Variants in ATXN7 observed in about 807,000 individuals in gnomAD.
ATXN7 encodes the protein ataxin 7.
ATXN7 carries 12 observed loss-of-function variants against 70.5 expected under a neutral mutation model. The ratio of observed to expected loss-of-function variants is 0.17; its 90% CI spans 0.11 to 0.28. ATXN7 has a LOEUF of 0.28. ATXN7 is among the 10% of genes least tolerant of loss of function. The pLI, the probability that ATXN7 is intolerant of heterozygous loss-of-function variation, is 1.00. For missense variants in ATXN7, 1,256 were observed against 1,131.7 expected (o/e 1.11, Z -1.58); for synonymous variants, 498 against 448.7 (o/e 1.11, Z -1.39).
chr3:63,960,425 G>A (rs1431780100), intron 5 of ATXN7, among the ~76,000 whole-genome samples: 6 of 152,192 alleles, frequency 3.9e-5, no homozygotes, highest in Non-Finnish European at 7.3e-5. Flanking sequence ...TTATGATCAC[G>A]TGGTTGCTGT....
At position 63,999,842 on chromosome 3, in the gene ATXN7, G is replaced by A. The variant is rs1440390192; in HGVS notation, c.*375G>A. 6 of 385,506 alleles carry A rather than the reference G, an allele frequency of 1.6e-5. No individual in the cohort carries two copies. The highest frequency in any genetic ancestry group is 3.2e-5 in the South Asian group (1 of 31,426). The allele number at this position is 385,506 out of a possible 1,614,324, so 23.9% of individuals were successfully genotyped here. On this transcript the variant is annotated 3_prime_UTR_variant, in exon 13 of 13. Coordinates refer to ENST00000674280, the MANE Select transcript of ATXN7 (RefSeq NM_001377405.1). ...GGCAAAAGAATGTTTTGGCAAGAGC[G>A]TTACTGTAGACCTTTCTCCCTCCTT...
chr3:63,955,788 T>C (rs1438442435), intron 5 of ATXN7, among the ~76,000 whole-genome samples: 1 of 152,206 alleles, frequency 6.6e-6, no homozygotes, highest in Non-Finnish European at 1.5e-5. Context: ...TGTGAATTCA[T>C]GTATTGCTGA....
At chr3:63,883,878 A>T (rs1292176643) in intron 1 of ATXN7, among the ~76,000 whole-genome samples, 1 of 151,708 alleles carries the variant, frequency 6.6e-6, no homozygotes, top group Admixed American at 6.6e-5. Flanking sequence ...CTCCTGGGGG[A>T]GGTTGATTAG....
chr3:63,866,271 A>G (rs951032250), intron 1 of ATXN7, among the ~76,000 whole-genome samples: 9 of 152,138 alleles, frequency 5.9e-5, no homozygotes, highest in African/African-American at 1.9e-4. Flanking sequence ...TTTTTGAGAC[A>G]GGACCTTCCT....
At chr3:63,876,529 A>G (rs1048273338) in intron 1 of ATXN7, among the ~76,000 whole-genome samples, 6 of 152,222 alleles carry the variant, frequency 3.9e-5, no homozygotes, top group South Asian at 2.1e-4. Flanking sequence ...CCCTGTTAAT[A>G]TATTTCAACA....
chr3:63,981,151 T>C (rs72876980), intron 6 of ATXN7, among the ~76,000 whole-genome samples: 37 of 152,268 alleles, frequency 2.4e-4, no homozygotes, highest in African/African-American at 8.7e-4. Context: ...TGCTGCTGCA[T>C]AAGGACCTTG....
At position 63,996,160 on chromosome 3, in the gene ATXN7, C is replaced by T. The variant is rs766212815; in HGVS notation, c.2338C>T (p.Pro780Ser). 6.2e-7 allele frequency: 1 copy of T among 1,614,114 alleles called. No homozygotes were observed. Among genetic ancestry groups the T allele is most frequent in the Non-Finnish European group, 8.5e-7 (1 of 1,180,032 alleles). The change falls in exon 12 of 13, where the codon CCC (proline) becomes TCC (serine). Residue 780 changes from proline (P) to serine (S), a missense_variant. Transcript: ENST00000674280. The stretch of plus-strand genomic sequence containing the variant: ...GCATGACCAGTCAGGGAGGGGCCCC[C>T]CCACCGGGAGCCCTGCTGAATCCAT... ...VRHDQSGRGP[P>S]TGSPAESIKR...
At chr3:63,981,588 T>C (rs2075488199) in intron 6 of ATXN7, among the ~76,000 whole-genome samples, 1 of 152,214 alleles carries the variant, frequency 6.6e-6, no homozygotes, top group African/African-American at 2.4e-5. Flanking sequence ...GCTCCTGTCA[T>C]AGAAACATTT....
Position 63,893,443 on chromosome 3 carries a change from G to T in ATXN7, c.-110-4956G>T, listed in dbSNP as rs1464792576. Among the ~76,000 whole-genome samples, 4 of 152,202 alleles carry T rather than the reference G, an allele frequency of 2.6e-5. No individual in the cohort carries two copies. The East Asian group carries it at 7.7e-4, about 29-fold the overall frequency. On this transcript the variant is annotated intron_variant, in intron 1 of 12. Coordinates refer to ENST00000674280, the MANE Select transcript of ATXN7 (RefSeq NM_001377405.1). ...TGAAGCCTGGGAGAGATAGGCTCAA[G>T]ATGGGAGAACTGTGTGTCCTGAAAT... is the stretch of plus-strand genomic sequence containing the variant.
At chr3:63,900,168 G>C (rs1559624467) in intron 2 of ATXN7, among the ~76,000 whole-genome samples, 3 of 152,176 alleles carry the variant, frequency 2.0e-5, no homozygotes, top group Admixed American at 1.3e-4. Flanking sequence ...TGCAGTTTAA[G>C]ATGAGTCATT....
At chr3:63,998,596 T>G (rs1245468382) in intron 12 of ATXN7, 2 of 985,242 alleles carry the variant, frequency 2.0e-6, no homozygotes, top group East Asian at 1.1e-4. Flanking sequence ...TTGAGAGAGA[T>G]TTTCTCTGTG....
At chr3:63,949,764 G>A (rs79771727) in intron 4 of ATXN7, among the ~76,000 whole-genome samples, 3 of 152,106 alleles carry the variant, frequency 2.0e-5, no homozygotes, top group African/African-American at 7.2e-5. Flanking sequence ...TCCCACAGAG[G>A]GGGTGTGTGT....
intron 11 of ATXN7, 117 bp from the exon 12 acceptor site, chr3:63,995,388 G>A: frequency 8.8e-7 from 1 of 1,136,612 alleles, no homozygotes; most frequent in Non-Finnish European, 1.3e-6. Context: ...GTAGTTCAGA[G>A]TGATTGCTTT....
At chr3:63,967,379 A>G (rs1245303522) in intron 5 of ATXN7, among the ~76,000 whole-genome samples, 2 of 152,222 alleles carry the variant, frequency 1.3e-5, no homozygotes, top group East Asian at 3.9e-4. Context: ...ATGCTTAGGA[A>G]TAATAAACTT....
chr3:63,919,557 A>C (rs1704423319), intron 4 of ATXN7, among the ~76,000 whole-genome samples: 1 of 152,194 alleles, frequency 6.6e-6, no homozygotes, highest in South Asian at 2.1e-4. Flanking sequence ...ATGGTTTCAC[A>C]TAAGAAGGTT....
intron 4 of ATXN7, among the ~76,000 whole-genome samples, chr3:63,934,827 A>G (rs2074628058): frequency 6.6e-6 from 1 of 152,196 alleles, no homozygotes; most frequent in African/African-American, 2.4e-5. Flanking sequence ...CAGTCTCAAC[A>G]CTGTTGACAT....
At chr3:63,870,405 C>T (rs1287952196) in intron 1 of ATXN7, among the ~76,000 whole-genome samples, 7 of 152,150 alleles carry the variant, frequency 4.6e-5, no homozygotes, top group Admixed American at 4.6e-4. Context: ...TGCACACACA[C>T]GTATGTGTGT....
intron 8 of ATXN7, among the ~76,000 whole-genome samples, chr3:63,986,098 T>A (rs1323116465): frequency 6.6e-6 from 1 of 152,166 alleles, no homozygotes; most frequent in East Asian, 1.9e-4. Flanking sequence ...TTGAGAGGGA[T>A]GGGAGAGGTA....
chr3:63,961,397 T>G (rs2106691023), intron 5 of ATXN7, among the ~76,000 whole-genome samples: 1 of 152,274 alleles, frequency 6.6e-6, no homozygotes, highest in Middle Eastern at 3.4e-3. Flanking sequence ...TACAGTGCTC[T>G]AAGGACCGTC....
Sources: gnomAD v4.1 joint callset for allele counts (sites outside exome capture counted in the v4.1 genomes callset) on GRCh38, gnomAD v4.1.1 for gene constraint, MANE v1.5 for transcripts, NCBI Gene and HGNC (gene_info 2026-07-23, HGNC 2026-07-21) for gene names.